Variants in GET1 observed in about 807,000 individuals in gnomAD.
GET1 encodes the protein congenital heart disease 5 protein.
In GET1, 20 loss-of-function variants were observed where a neutral mutation model predicts 22.6. The observed-to-expected ratio is 0.89, with a 90% CI of 0.62 to 1.29. The LOEUF is 1.29. GET1 is among the 50% of genes most tolerant of loss of function. GET1 has a pLI of 0.00. For synonymous variants in GET1, 92 were observed against 83.8 expected, an observed-to-expected ratio of 1.10 and a Z score of -0.53; for missense variants, 209 against 219.9, an observed-to-expected ratio of 0.95 and a Z score of 0.31.
chr21:39,386,653 G>C (rs979934523), intron 1 of GET1: 4 of 152,214 alleles, frequency 2.6e-5, no homozygotes, highest in African/African-American at 9.7e-5. Flanking sequence ...ACTGCTGGCA[G>C]GGACTAGCAC....
intron 3 of GET1, among the ~76,000 whole-genome samples, chr21:39,392,679 C>T (rs2038383973): frequency 6.6e-6 from 1 of 152,174 alleles, no homozygotes; most frequent in Non-Finnish European, 1.5e-5. Context: ...GGGCTCACCT[C>T]TGCGTCCCTT....
At chr21:39,400,982 C>T (rs889556389), downstream of GET1, among the ~76,000 whole-genome samples, 1 of 151,622 alleles carries the variant, frequency 6.6e-6, no homozygotes, top group African/African-American at 2.4e-5. Flanking sequence ...ATGATCATAG[C>T]TCACTACAAC....
At chr21:39,400,600 C>T (rs535535966), downstream of GET1, among the ~76,000 whole-genome samples, 1 of 152,218 alleles carries the variant, frequency 6.6e-6, no homozygotes, top group Admixed American at 6.5e-5. Flanking sequence ...ATAAGGCCTG[C>T]GGTATGGAGC....
chr21:39,405,856 A>C, intron 4 of GET1: 2 of 1,481,418 alleles, frequency 1.4e-6, no homozygotes, highest in Non-Finnish European at 1.8e-6. Flanking sequence ...ATATCAAACC[A>C]GAATGCATTA....
In GET1 at chr21:39,393,292, C is replaced by G. The variant is rs1430909510; in HGVS notation, c.451+12C>G. On this transcript the variant is annotated intron_variant, in intron 4 of 4. Transcript: ENST00000649170. Reference sequence around the variant, plus strand: ...TACTAGAGTAGCAGGTAAGAATTTTCTGGAAGATGCAGTGGAAGAGTGTGA... The same window carrying G: ...TACTAGAGTAGCAGGTAAGAATTTTGTGGAAGATGCAGTGGAAGAGTGTGA... The G allele has an allele frequency of 4.4e-6, 7 of 1,601,284 alleles. No homozygotes were observed. Among genetic ancestry groups the G allele is most frequent in the Non-Finnish European group, 6.0e-6 (7 of 1,168,448 alleles).
downstream of GET1, among the ~76,000 whole-genome samples, chr21:39,409,696 G>A (rs1367566030): frequency 6.6e-6 from 1 of 152,102 alleles, no homozygotes; most frequent in East Asian, 1.9e-4. This position sits in a 1 kb window ranked among gnomAD's most constrained non-coding sequence, Gnocchi z 4.2. Context: ...GGGTCCAAGC[G>A]ATTTTCCTGC....
chr21:39,385,891 CTA>C (rs1425581243), intron 1 of GET1, among the ~76,000 whole-genome samples: 2 of 152,058 alleles, frequency 1.3e-5, no homozygotes, highest in East Asian at 3.9e-4. Context: ...GGCTCAGAGT[CTA>C]TGCAAACCGC....
At chr21:39,414,740 CTCTGTGTG>C (rs1225344866) in intron 1 of GET1, among the ~76,000 whole-genome samples, 47 of 104,116 alleles carry the variant, frequency 4.5e-4, no homozygotes, top group African/African-American at 1.5e-3. Context: ...CTCTCTCTCT[CTCTGTGTG>C]TGTGTGTGTG....
At chr21:39,381,029 G>GTACTCACTACCTGGC in intron 1 of GET1, 2 of 841,112 alleles carry the variant, frequency 2.4e-6, no homozygotes, top group Non-Finnish European at 2.9e-6. Context: ...GCCAGGTAGT[G>GTACTCACTACCTGGC]AGTACATTAC....
chr21:39,412,981 G>A (rs2040374769), intron 1 of GET1, among the ~76,000 whole-genome samples: 1 of 152,210 alleles, frequency 6.6e-6, no homozygotes, highest in Admixed American at 6.5e-5. Context: ...CCATAGCACA[G>A]GCTTTGCAAC....
intron 1 of GET1, 150 bp downstream of exon 1, chr21:39,380,636 G>A (rs2037496670): frequency 1.4e-6 from 2 of 1,444,646 alleles, no homozygotes; most frequent in Non-Finnish European, 1.8e-6. Context: ...ATAGTTGTTA[G>A]CGTCTAAAAG....
At chr21:39,404,350 C>G (rs1331783781) in intron 4 of GET1, among the ~76,000 whole-genome samples, 1 of 152,154 alleles carries the variant, frequency 6.6e-6, no homozygotes, top group Non-Finnish European at 1.5e-5. Flanking sequence ...TGCAACAAAT[C>G]TCAATAAATG....
At chr21:39,403,353 G>A (rs567144553) in intron 4 of GET1, among the ~76,000 whole-genome samples, 2 of 152,242 alleles carry the variant, frequency 1.3e-5, no homozygotes, top group African/African-American at 4.8e-5. Context: ...TTGACACGGA[G>A]TCTCGCTCTG....
intron 1 of GET1, among the ~76,000 whole-genome samples, chr21:39,414,732 C>CTGTGTGTGTGTGTGTGTGTGTGTGTGTG (rs1464601997): frequency 1.8e-5 from 2 of 110,396 alleles, no homozygotes; most frequent in African/African-American, 7.8e-5. Flanking sequence ...CTCTCTCTCT[C>CTGTGTGTGTGTGTGTGTGTGTGTGTGTG]TCTCTCTCTC....
At chr21:39,385,285 G>A (rs929629022) in intron 1 of GET1, among the ~76,000 whole-genome samples, 3 of 152,246 alleles carry the variant, frequency 2.0e-5, no homozygotes, top group East Asian at 1.9e-4. Context: ...AGTCTAGGCC[G>A]CACTGGTCCC....
At chr21:39,423,054 G>A in intron 1 of GET1, 1 of 1,613,990 alleles carries the variant, frequency 6.2e-7, no homozygotes, top group Non-Finnish European at 8.5e-7. Context: ...TTTCTGCAAG[G>A]TTTTTGTCTT....
intron 4 of GET1, among the ~76,000 whole-genome samples, chr21:39,396,227 CTG>C (rs1249226540): frequency 6.6e-6 from 1 of 152,136 alleles, no homozygotes; most frequent in Non-Finnish European, 1.5e-5. Flanking sequence ...GAAACCGTGT[CTG>C]TACTAAAAAT....
chr21:39,399,518 C>T (rs1275253586), downstream of GET1, among the ~76,000 whole-genome samples: 1 of 152,192 alleles, frequency 6.6e-6, no homozygotes, highest in East Asian at 1.9e-4. Flanking sequence ...GATCTCGGCT[C>T]ACTGCAACCT....
intron 1 of GET1, chr21:39,427,960 G>C (rs952886005): frequency 2.4e-6 from 1 of 417,640 alleles, no homozygotes; most frequent in Non-Finnish European, 4.4e-6. Context: ...CCATGCAGGG[G>C]GCTAGGCTTT....
Sources: allele counts gnomAD v4.1 joint callset (sites outside exome capture counted in the v4.1 genomes callset), GRCh38; gene constraint gnomAD v4.1.1; non-coding constraint Gnocchi (gnomAD v3.1); transcripts MANE v1.5; gene names NCBI Gene and HGNC (gene_info 2026-07-23, HGNC 2026-07-21).